The following DTNB variants were observed in gnomAD, a reference collection of about 807,000 sequenced individuals.
DTNB encodes the protein DTN-B.
In DTNB, 63 loss-of-function variants were observed where a neutral mutation model predicts 90.7. The ratio of observed to expected loss-of-function variants is 0.69; its 90% confidence interval spans 0.57 to 0.86. The LOEUF is 0.86. Among genes scored for constraint, DTNB ranks in the 40% least tolerant of loss-of-function variants. DTNB has a pLI of 0.00. For missense variants in DTNB, 744 were observed against 807.1 expected, an observed-to-expected ratio of 0.92 and a Z score of 0.95; for synonymous variants, 277 against 286.7, an observed-to-expected ratio of 0.97 and a Z score of 0.34.
chr2:25,532,236 ACT>A (rs1203075377), intron 8 of DTNB, among the ~76,000 whole-genome samples: 5 of 143,706 alleles, frequency 3.5e-5, no homozygotes, highest in South Asian at 4.5e-4. Flanking sequence ...CAAGAGCAAA[ACT>A]CTGTCTCAAA....
At chr2:25,633,829 G>C (rs1171873766) in intron 3 of DTNB, among the ~76,000 whole-genome samples, 1 of 146,512 alleles carries the variant, frequency 6.8e-6, no homozygotes, top group East Asian at 2.1e-4. Flanking sequence ...CCGCCACCCC[G>C]TCTGGGATGT....
chr2:25,628,031 C>A, intron 4 of DTNB, 140 bp downstream of exon 4: 1 of 913,030 alleles, frequency 1.1e-6, no homozygotes, highest in Non-Finnish European at 1.7e-6. Flanking sequence ...CTACCGTGCC[C>A]AGCCAATAAT....
intron 9 of DTNB, among the ~76,000 whole-genome samples, chr2:25,485,441 A>G (rs1424632771): frequency 6.6e-6 from 1 of 152,236 alleles, no homozygotes; most frequent in African/African-American, 2.4e-5. Context: ...GATTTGTAAC[A>G]ATTTGGTCTG....
At chr2:25,631,463 T>C (rs947585561) in intron 3 of DTNB, among the ~76,000 whole-genome samples, 6 of 151,708 alleles carry the variant, frequency 4.0e-5, no homozygotes, top group Non-Finnish European at 7.4e-5. Flanking sequence ...GTCTTAGCTA[T>C]TGGGGAGGCT....
At chr2:25,511,659 G>A (rs777054428) in intron 9 of DTNB, among the ~76,000 whole-genome samples, 12 of 152,112 alleles carry the variant, frequency 7.9e-5, no homozygotes, top group Non-Finnish European at 1.2e-4. Flanking sequence ...CTTCCATATG[G>A]AACTGATACT....
intron 8 of DTNB, among the ~76,000 whole-genome samples, chr2:25,533,968 A>AT (rs1328552796): frequency 6.7e-6 from 1 of 148,418 alleles, no homozygotes; most frequent in Non-Finnish European, 1.5e-5. Flanking sequence ...TTATTTATTT[A>AT]TTTTTTGGAA....
intron 14 of DTNB, among the ~76,000 whole-genome samples, chr2:25,431,728 T>C (rs751220300): frequency 2.0e-5 from 3 of 152,140 alleles, no homozygotes; most frequent in African/African-American, 7.2e-5. Flanking sequence ...AACCAGGCAC[T>C]AGACAACAGG....
At chr2:25,512,221 T>A (rs1249591102) in intron 9 of DTNB, among the ~76,000 whole-genome samples, 3 of 152,302 alleles carry the variant, frequency 2.0e-5, no homozygotes, top group South Asian at 2.1e-4. Flanking sequence ...AAAATACAGA[T>A]TTTTACAGTT....
intron 20 of DTNB, among the ~76,000 whole-genome samples, chr2:25,378,443 CAG>C (rs2036508809): frequency 2.0e-5 from 3 of 152,162 alleles, no homozygotes; most frequent in Non-Finnish European, 1.5e-5. Context: ...CGCGGTTGGG[CAG>C]AGAGGGCCAG....
intron 8 of DTNB, among the ~76,000 whole-genome samples, chr2:25,545,336 C>T (rs1390613244): frequency 6.6e-6 from 1 of 152,126 alleles, no homozygotes; most frequent in Admixed American, 6.5e-5. Flanking sequence ...TGTTTGTTTG[C>T]TGATTTTCCC....
chr2:25,423,014 G>T lies in DTNB; in HGVS notation c.1555-3479C>A, dbSNP rs1227827293. 3.3e-4 allele frequency among the ~76,000 whole-genome samples: 50 copies of T among 152,144 alleles called. 1 individual carries two copies. The highest frequency in any genetic ancestry group is 3.3e-3 in the Admixed American group (50 of 15,280). ...TCGAGACCAGCCTGGCCAACATGGT[G>T]AAACCCGTCTACTAAAAATACAAAA... On this transcript the variant is annotated intron_variant, in intron 15 of 20. Coordinates refer to ENST00000406818, the MANE Select transcript of DTNB (RefSeq NM_021907.5).
intron 1 of DTNB, among the ~76,000 whole-genome samples, chr2:25,668,011 A>G (rs568066296): frequency 3.2e-4 from 49 of 152,282 alleles, no homozygotes; most frequent in African/African-American, 1.2e-3. Flanking sequence ...AGGCCAAGGC[A>G]GGCGGATCAT....
At chr2:25,623,288 C>G (rs543348434) in intron 4 of DTNB, among the ~76,000 whole-genome samples, 53 of 152,112 alleles carry the variant, frequency 3.5e-4, no homozygotes, top group Non-Finnish European at 5.9e-4. Context: ...GGCTGGATGT[C>G]CAGGGAGGTG....
chr2:25,427,850 A>G, intron 14 of DTNB: 1 of 416,642 alleles, frequency 2.4e-6, no homozygotes, highest in Non-Finnish European at 4.3e-6. Flanking sequence ...GAAAGTTTAG[A>G]TGACTATATA....
intron 2 of DTNB, 199 bp from the exon 3 acceptor site, chr2:25,639,293 T>C (rs533054378): frequency 2.2e-6 from 1 of 448,758 alleles, no homozygotes; most frequent in African/African-American, 2.0e-5. Flanking sequence ...GGAACTCTGC[T>C]AGTCTAGCTC....
intron 2 of DTNB, among the ~76,000 whole-genome samples, chr2:25,649,353 A>G (rs941027668): frequency 3.9e-5 from 6 of 152,296 alleles, no homozygotes; most frequent in Admixed American, 3.9e-4. Context: ...CCAGTACACT[A>G]GGTCAAGAAA....
chr2:25,589,775 G>A (rs2063198729), intron 6 of DTNB, among the ~76,000 whole-genome samples: 1 of 152,224 alleles, frequency 6.6e-6, no homozygotes, highest in Non-Finnish European at 1.5e-5. Context: ...TTCCTGGGGT[G>A]ATGCTTTTCC....
chr2:25,599,631 G>A (rs534527074), intron 5 of DTNB, among the ~76,000 whole-genome samples: 44 of 152,230 alleles, frequency 2.9e-4, no homozygotes, highest in African/African-American at 9.1e-4. Flanking sequence ...GAGCCACAGT[G>A]TCTGGCCCAA....
chr2:25,518,838 A>C (rs2075635195), intron 9 of DTNB, among the ~76,000 whole-genome samples: 1 of 152,316 alleles, frequency 6.6e-6, no homozygotes, highest in Non-Finnish European at 1.5e-5. Context: ...TCAAGGCCCT[A>C]AGACAACCCT....
Sources: allele counts gnomAD v4.1 joint callset (sites outside exome capture counted in the v4.1 genomes callset), GRCh38; gene constraint gnomAD v4.1.1; transcripts MANE v1.5; gene names NCBI Gene and HGNC (gene_info 2026-07-23, HGNC 2026-07-21).